The following ICA1 variants were observed in gnomAD, a reference collection of about 807,000 sequenced individuals.
ICA1 encodes the protein 69 kDa islet cell autoantigen.
A neutral mutation model predicts 71.0 loss-of-function variants in ICA1; 40 were observed. The ratio of observed to expected loss-of-function variants is 0.56; its 90% CI spans 0.44 to 0.73. The LOEUF is 0.73. Ranked by LOEUF, ICA1 falls within the 30% of genes least tolerant of loss-of-function variation. The pLI, the probability that ICA1 is intolerant of heterozygous loss-of-function variation, is 0.00. For missense variants in ICA1, 578 were observed against 576.5 expected (o/e 1.00, Z -0.03); for synonymous variants, 207 against 209.5 (o/e 0.99, Z 0.10).
At chr7:8,122,121 T>C (rs73235843) in intron 13 of ICA1, among the ~76,000 whole-genome samples, 29,453 of 152,064 alleles carry the variant, frequency 0.19, 3,135 homozygotes, top group African/African-American at 0.28. Flanking sequence ...GTGAGTGGCA[T>C]GCTCTAAGGA....
At chr7:8,139,571 T>C (rs531312901) in intron 10 of ICA1, among the ~76,000 whole-genome samples, 2 of 152,270 alleles carry the variant, frequency 1.3e-5, no homozygotes, top group East Asian at 3.9e-4. Context: ...AGTGAAACTG[T>C]TTTGTAAGGT....
At chr7:8,185,685 A>G (rs934961945) in intron 6 of ICA1, among the ~76,000 whole-genome samples, 40 of 152,212 alleles carry the variant, frequency 2.6e-4, no homozygotes, top group African/African-American at 8.0e-4. Context: ...GAATGTTTCT[A>G]TTTAGGCTTA....
At chr7:8,260,770 C>T (rs1812028490) in intron 1 of ICA1, among the ~76,000 whole-genome samples, 1 of 152,194 alleles carries the variant, frequency 6.6e-6, no homozygotes, top group Non-Finnish European at 1.5e-5. Context: ...TGAAAACTTA[C>T]TTAAAAGCAT....
chr7:8,119,674 T>C (rs1345889214), intron 13 of ICA1, among the ~76,000 whole-genome samples: 3 of 151,924 alleles, frequency 2.0e-5, no homozygotes, highest in South Asian at 2.1e-4. Context: ...GGTGAAACCC[T>C]GTCTCTACTA....
chr7:8,157,347 T>C (rs3807836), intron 7 of ICA1, 133 bp from the exon 8 acceptor site: 176,138 of 911,474 alleles, frequency 0.19, 17,998 homozygotes, highest in East Asian at 0.3. Flanking sequence ...ATGCTTCCCA[T>C]TATGCCCCCA....
chr7:8,237,819 GACACACACAC>G (rs57343882), intron 1 of ICA1, among the ~76,000 whole-genome samples: 37 of 142,168 alleles, frequency 2.6e-4, no homozygotes, highest in African/African-American at 8.4e-4. Context: ...GTTGAAGACA[GACACACACAC>G]ACACACACAC....
intron 6 of ICA1, among the ~76,000 whole-genome samples, chr7:8,217,446 A>T (rs1795749339): frequency 6.6e-6 from 1 of 152,226 alleles, no homozygotes; most frequent in Non-Finnish European, 1.5e-5. Flanking sequence ...TGTACATAAT[A>T]AGAAATCTAG....
At chr7:8,166,034 G>T (rs891241302) in intron 6 of ICA1, among the ~76,000 whole-genome samples, 1 of 151,918 alleles carries the variant, frequency 6.6e-6, no homozygotes, top group Non-Finnish European at 1.5e-5. Context: ...ATTTCATATA[G>T]AACCAAAAAA....
intron 6 of ICA1, among the ~76,000 whole-genome samples, chr7:8,183,949 G>A (rs1783076894): frequency 6.6e-6 from 1 of 152,034 alleles, no homozygotes; most frequent in Non-Finnish European, 1.5e-5. Flanking sequence ...AACACCGCAA[G>A]AATAAAAAAT....
rs528563590 is a variant in ICA1 at position 8,243,161 on chromosome 7, T to C, written c.-79-7156A>G. 3.6e-3 allele frequency among the ~76,000 whole-genome samples: 547 copies of C among 152,142 alleles called. 1 individual carries two copies. Among genetic ancestry groups the C allele is most frequent in the Non-Finnish European group, 6.2e-3 (420 of 68,000 alleles). On this transcript the variant is annotated intron_variant, in intron 1 of 13. Transcript: ENST00000402384. ...TCCCTGATAAACATCAGTGTGAAAA[T>C]CCTCAATAAAATACTGGCAAACGGA...
intron 5 of ICA1, among the ~76,000 whole-genome samples, chr7:8,220,771 G>C (rs1796782523): frequency 1.3e-5 from 2 of 152,108 alleles, no homozygotes; most frequent in African/African-American, 4.8e-5. Context: ...GCATGTCTGG[G>C]GTAGGGCCTA....
chr7:8,157,437 C>T, intron 7 of ICA1: 1 of 492,352 alleles, frequency 2.0e-6, no homozygotes, highest in Non-Finnish European at 3.5e-6. Flanking sequence ...GCTGCTCCCA[C>T]CACCTGGGAC....
At chr7:8,170,158 C>A (rs1042297705) in intron 6 of ICA1, among the ~76,000 whole-genome samples, 1 of 151,900 alleles carries the variant, frequency 6.6e-6, no homozygotes, top group Non-Finnish European at 1.5e-5. Context: ...TAACTTGGCT[C>A]TTTTGTGTAG....
chr7:8,227,621 T>C (rs1199581015), intron 4 of ICA1: 2 of 393,722 alleles, frequency 5.1e-6, no homozygotes, highest in Admixed American at 3.4e-5. Flanking sequence ...TTTTTTTTTT[T>C]TTCTAAGAGA....
At chr7:8,171,440 T>C (rs1808300577) in intron 6 of ICA1, among the ~76,000 whole-genome samples, 1 of 151,952 alleles carries the variant, frequency 6.6e-6, no homozygotes, top group South Asian at 2.1e-4. Flanking sequence ...TTGTTCATAA[T>C]ATTTATTATT....
rs751314209 is a variant in ICA1 at position 8,234,894 on chromosome 7, G to C, written c.17+1016C>G. On this transcript the variant is annotated intron_variant, in intron 2 of 13. Coordinates refer to ENST00000402384, the MANE Select transcript of ICA1 (RefSeq NM_001136020.3). This position sits in a 1 kb window ranked among gnomAD's most constrained non-coding sequence, Gnocchi z 4.5. ...AGAATGGATTTCTTTGGCCGGGCGC[G>C]GTGGCTCATGCCTGTAATCCCAGCA... 6.6e-6 allele frequency among the ~76,000 whole-genome samples: 1 copy of C among 152,294 alleles called. No individual in the cohort carries two copies. The highest frequency in any genetic ancestry group is 2.4e-5 in the African/African-American group (1 of 41,562).
intron 6 of ICA1, among the ~76,000 whole-genome samples, chr7:8,213,475 C>T (rs1583316386): frequency 6.6e-6 from 1 of 152,134 alleles, no homozygotes; most frequent in African/African-American, 2.4e-5. Flanking sequence ...TGGTTTAATC[C>T]AGAGAGCTGA....
At chr7:8,246,560 G>C (rs1023623971) in intron 1 of ICA1, among the ~76,000 whole-genome samples, 1 of 152,138 alleles carries the variant, frequency 6.6e-6, no homozygotes, top group African/African-American at 2.4e-5. Flanking sequence ...ACTGCACCTT[G>C]ATGGGGTTAC....
At position 8,228,688 on chromosome 7, in the gene ICA1, C is replaced by A. The variant is rs1281842674; in HGVS notation, c.184-15G>T. 2 of 1,559,236 alleles carry A rather than the reference C, an allele frequency of 1.3e-6. No individual in the cohort carries two copies. The highest frequency in any genetic ancestry group is 2.7e-5 in the African/African-American group (2 of 73,594). On this transcript the variant is annotated splice_polypyrimidine_tract_variant and intron_variant, in intron 3 of 13. Coordinates refer to ENST00000402384, the MANE Select transcript of ICA1 (RefSeq NM_001136020.3). ...GAATGAAACAGCTGTAATAAAAATA[C>A]AAACAAAATGCAAAATAAAACAGAC...
Sources: allele counts gnomAD v4.1 joint callset (sites outside exome capture counted in the v4.1 genomes callset), GRCh38; gene constraint gnomAD v4.1.1; non-coding constraint Gnocchi (gnomAD v3.1); transcripts MANE v1.5; gene names NCBI Gene and HGNC (gene_info 2026-07-23, HGNC 2026-07-21).